MGRN1: variants seen among roughly 807,000 people sequenced by gnomAD.
MGRN1 encodes mahogunin ring finger 1.
MGRN1 carries 29 observed loss-of-function variants against 69.2 expected under a neutral mutation model. The observed-to-expected ratio is 0.42, with a 90% confidence interval of 0.31 to 0.57. MGRN1 has a LOEUF of 0.57. MGRN1 is among the 20% of genes least tolerant of loss of function. The pLI is 0.15. For synonymous variants in MGRN1, 470 were observed against 344.2 expected (o/e 1.37, Z -4.04); for missense variants, 998 against 796.2 (o/e 1.25, Z -3.05).
chr16:4,663,969 C>T (rs181086329), intron 5 of MGRN1: 1 of 152,334 alleles, frequency 6.6e-6, no homozygotes, highest in Non-Finnish European at 1.5e-5. Context: ...GGGGCCAAGT[C>T]CGGTGCCTTC....
In MGRN1 at chr16:4,686,703, A is replaced by T. The variant is rs574622510; in HGVS notation, c.1619-2093A>T. The T allele has an allele frequency of 3.6e-5, 37 of 1,027,160 alleles. No homozygotes were observed. The East Asian group carries it at 2.9e-3, about 82-fold the overall frequency. 63.6% of individuals were successfully genotyped at this position (1,027,160 alleles called of 1,614,324 possible). On this transcript the variant is annotated intron_variant, in intron 16 of 16. Transcript: ENST00000262370. The stretch of plus-strand genomic sequence containing the variant: ...GCACCGTGGAGGGAACCCCAGGGAG[A>T]CATGGGGTGAGCGTCCCAAGGGGAG...
At chr16:4,687,376 C>T (rs888811038) in intron 16 of MGRN1, 27 of 928,986 alleles carry the variant, frequency 2.9e-5, no homozygotes, top group Non-Finnish European at 3.5e-5. Flanking sequence ...TAGACCCCCT[C>T]TCTATGAAAA....
intron 10 of MGRN1, among the ~76,000 whole-genome samples, chr16:4,675,217 C>T (rs2079029883): frequency 6.6e-6 from 1 of 151,960 alleles, no homozygotes; most frequent in Non-Finnish European, 1.5e-5. Context: ...AAGTGATCTG[C>T]CTGCCTTGGC....
chr16:4,677,275 A>G (rs931975661), intron 10 of MGRN1, 188 bp from the exon 11 acceptor site: 2 of 448,376 alleles, frequency 4.5e-6, no homozygotes, highest in Non-Finnish European at 7.9e-6. Flanking sequence ...TTCTTCCCCC[A>G]TCTTTCCTGC....
intron 16 of MGRN1, chr16:4,688,266 C>T (rs755651467): frequency 3.1e-4 from 303 of 985,800 alleles, no homozygotes; most frequent in Non-Finnish European, 2.4e-4. Context: ...CAGCGCCCGG[C>T]GGCGTCGTGC....
At chr16:4,640,341 C>T (rs978750914) in intron 1 of MGRN1, 1 of 152,302 alleles carries the variant, frequency 6.6e-6, no homozygotes, top group Non-Finnish European at 1.5e-5. Flanking sequence ...ATCCTCCTGC[C>T]TGGAGGCATG....
intron 2 of MGRN1, 66 bp downstream of exon 2, chr16:4,650,549 C>A: frequency 7.9e-7 from 1 of 1,273,192 alleles, no homozygotes; most frequent in Non-Finnish European, 1.1e-6. Context: ...CAGCAGTCCG[C>A]ATCCCAGCCA....
Position 4,681,616 on chromosome 16 carries a change from G to T in MGRN1, c.1198G>T (p.Ala400Ser). Residue 400 changes from alanine (A) to serine (S), a missense_variant, in exon 13 of 17, where the codon GCT becomes TCT. Physicochemically the swap from Ala to Ser is moderately conservative, Grantham distance 99 (BLOSUM62 1). Coordinates refer to ENST00000262370, the MANE Select transcript of MGRN1 (RefSeq NM_015246.4). The stretch of plus-strand genomic sequence containing the variant: ...GCTCGAGGCGCTCAACGGCCTCCGG[G>T]CTGTCTCCCCGGCCATCCCCTCGGC... The part of the protein sequence containing the change: ...SLLEALNGLR[A>S]VSPAIPSAPL... 1.2e-6 allele frequency: 2 copies of T among 1,613,512 alleles called. No homozygotes were observed. Among genetic ancestry groups the T allele is most frequent in the Non-Finnish European group, 1.7e-6 (2 of 1,180,014 alleles).
chr16:4,671,787 T>C lies in MGRN1; in HGVS notation c.795+328T>C, dbSNP rs574893140. Among the ~76,000 whole-genome samples the C allele has an allele frequency of 7.7e-4, 118 of 152,310 alleles. 1 individual carries two copies. Among genetic ancestry groups the C allele is most frequent in the Non-Finnish European group, 1.3e-3 (91 of 68,014 alleles). On this transcript the variant is annotated intron_variant, in intron 9 of 16. Coordinates refer to ENST00000262370, the MANE Select transcript of MGRN1 (RefSeq NM_015246.4). ...TGCCCGCCTCCCCAGAGACAGCACGTCCCTGCAGCTCCTGGGGGAGGGATG... is the reference window on the plus strand; with the variant it reads ...TGCCCGCCTCCCCAGAGACAGCACGCCCCTGCAGCTCCTGGGGGAGGGATG...
Position 4,638,598 on chromosome 16 carries a change from A to T in MGRN1, c.89-11767A>T, listed in dbSNP as rs1266133145. 2.6e-5 allele frequency among the ~76,000 whole-genome samples: 4 copies of T among 152,182 alleles called. No individual in the cohort carries two copies. The East Asian group carries it at 7.7e-4, about 29-fold the overall frequency. On this transcript the variant is annotated intron_variant, in intron 1 of 16. Transcript: ENST00000262370. The stretch of plus-strand genomic sequence containing the variant: ...TGATACAGCTGGGTGGGACCCCCAG[A>T]GCACTCGAAGGCTGTGGGGCTGCCA...
Position 4,665,095 on chromosome 16 carries a change from C to A in MGRN1, c.629-7C>A, listed in dbSNP as rs367998857. On this transcript the variant is annotated splice_region_variant and splice_polypyrimidine_tract_variant and intron_variant, in intron 6 of 16. Transcript: ENST00000262370. ...CTCTGACTACTCTGCCCCTCTCTCC[C>A]CAGCAGTGGTGGAAGTGACTGGCCA... The A allele has an allele frequency of 2.4e-5, 38 of 1,614,096 alleles. No individual in the cohort carries two copies. Among genetic ancestry groups the A allele is most frequent in the Non-Finnish European group, 3.1e-5 (37 of 1,180,046 alleles).
chr16:4,654,867 A>G (rs894664712), intron 4 of MGRN1, among the ~76,000 whole-genome samples: 2 of 152,234 alleles, frequency 1.3e-5, no homozygotes, highest in Non-Finnish European at 2.9e-5. Context: ...CCCGGCAGCC[A>G]GGGCTCCTCC....
intron 8 of MGRN1, among the ~76,000 whole-genome samples, chr16:4,671,057 A>G (rs945581936): frequency 6.6e-6 from 1 of 152,042 alleles, no homozygotes; most frequent in Non-Finnish European, 1.5e-5. Context: ...TTCAGGCGTC[A>G]GCTCCTGCTT....
At chr16:4,668,536 C>T (rs2078859322) in intron 8 of MGRN1, among the ~76,000 whole-genome samples, 2 of 151,880 alleles carry the variant, frequency 1.3e-5, no homozygotes, top group Admixed American at 6.6e-5. Flanking sequence ...CACAGACACA[C>T]ACATACACAC....
At chr16:4,647,148 G>A (rs565522584) in intron 1 of MGRN1, among the ~76,000 whole-genome samples, 2 of 152,352 alleles carry the variant, frequency 1.3e-5, no homozygotes, top group Non-Finnish European at 2.9e-5. Flanking sequence ...CAGCTAGTGC[G>A]GGGGTTCCCA....
intron 16 of MGRN1, 88 bp downstream of exon 16, chr16:4,684,020 C>A: frequency 2.6e-6 from 3 of 1,149,204 alleles, no homozygotes; most frequent in Non-Finnish European, 3.7e-6. Flanking sequence ...CGGTGCATAG[C>A]AGCAGAGGCT....
intron 8 of MGRN1, among the ~76,000 whole-genome samples, chr16:4,669,659 C>T (rs370160964): frequency 6.6e-6 from 1 of 152,066 alleles, no homozygotes; most frequent in African/African-American, 2.4e-5. Context: ...GGAAAGAGAC[C>T]AGAAACAAAG....
At position 4,688,540 on chromosome 16, in the gene MGRN1, C is replaced by A. The variant is rs768068544; in HGVS notation, c.1619-256C>A. 4 of 1,257,252 alleles carry A rather than the reference C, an allele frequency of 3.2e-6. No individual in the cohort carries two copies. In the East Asian group the frequency reaches 9.4e-5, roughly 30 times the overall value. 77.9% of individuals were successfully genotyped at this position (1,257,252 alleles called of 1,614,324 possible). On this transcript the variant is annotated intron_variant, in intron 16 of 16. Coordinates refer to ENST00000262370, the MANE Select transcript of MGRN1 (RefSeq NM_015246.4). ...CGCGGTGCCGTGTCGCGCTCTGACT[C>A]GGGGCTGCAGATCTGCTGTGGGTGT...
intron 7 of MGRN1, 55 bp from the exon 8 acceptor site, chr16:4,668,210 G>T: frequency 6.3e-7 from 1 of 1,576,212 alleles, no homozygotes; most frequent in Non-Finnish European, 8.7e-7. Context: ...CCACGCAGGG[G>T]TGCTCAGAGG....
Sources: gnomAD v4.1 joint callset for allele counts (sites outside exome capture counted in the v4.1 genomes callset) on GRCh38, gnomAD v4.1.1 for gene constraint, MANE v1.5 for transcripts, NCBI Gene and HGNC (gene_info 2026-07-23, HGNC 2026-07-21) for gene names.